RAB2A: variants seen among roughly 807,000 people sequenced by gnomAD.
The protein encoded by RAB2A is ras-related protein Rab-2A.
RAB2A carries 7 observed loss-of-function variants against 32.5 expected under a neutral mutation model. That is an observed-to-expected ratio of 0.22 (90% CI 0.12 to 0.40). The LOEUF (loss-of-function observed/expected upper bound fraction) is 0.40. Among genes scored for constraint, RAB2A ranks in the 10% least tolerant of loss-of-function variants. The pLI is 1.00. For synonymous variants in RAB2A, 79 were observed against 85.2 expected (o/e 0.93, Z 0.40); for missense variants, 108 against 260.7 (o/e 0.41, Z 4.03).
At chr8:60,572,146 A>C in intron 3 of RAB2A, 33 bp downstream of exon 3, 1 of 1,475,384 alleles carries the variant, frequency 6.8e-7, no homozygotes, top group Non-Finnish European at 9.4e-7. Context: ...GTATGATCTC[A>C]GTAAAGTTAC....
intron 1 of RAB2A, among the ~76,000 whole-genome samples, chr8:60,521,793 G>A (rs748170967): frequency 3.4e-4 from 51 of 152,164 alleles, no homozygotes; most frequent in Admixed American, 1.2e-3. Context: ...GCTGATTTTT[G>A]TATTTTTAGT....
intron 6 of RAB2A, among the ~76,000 whole-genome samples, chr8:60,598,937 CAAAAAAA>C (rs56406651): frequency 2.7e-3 from 109 of 40,370 alleles, no homozygotes; most frequent in Middle Eastern, 0.028. Flanking sequence ...TGCAGTAAAG[CAAAAAAA>C]AAAAAAAAAA....
intron 6 of RAB2A, among the ~76,000 whole-genome samples, chr8:60,598,966 A>AAAAG (rs1804082320): frequency 1.6e-5 from 2 of 123,288 alleles, no homozygotes; most frequent in Non-Finnish European, 3.4e-5. Flanking sequence ...AAAAAAAAAA[A>AAAAG]GAAAAGGCAT....
chr8:60,623,440 A>G lies in RAB2A; in HGVS notation c.*2671A>G, dbSNP rs759564931. 6.6e-6 allele frequency: 1 copy of G among 152,200 alleles called. No individual in the cohort carries two copies. Among genetic ancestry groups the G allele is most frequent in the Non-Finnish European group, 1.5e-5 (1 of 68,034 alleles). The allele number at this position is 152,200 out of a possible 1,614,324, so 9.4% of individuals were successfully genotyped here. A position where few individuals can be genotyped will look rare whatever the true frequency, so the allele number is the denominator to read the frequency against. Reference sequence around the variant, plus strand: ...AGATAGTAAAGCCCCATCTCAGTTTATTTAGTCCTGAGGTTGGCAGCATGG... The same window carrying G: ...AGATAGTAAAGCCCCATCTCAGTTTGTTTAGTCCTGAGGTTGGCAGCATGG... On this transcript the variant is annotated 3_prime_UTR_variant, in exon 8 of 8. Transcript: ENST00000262646.
At chr8:60,519,132 G>A (rs1807260915) in intron 1 of RAB2A, among the ~76,000 whole-genome samples, 1 of 67,756 alleles carries the variant, frequency 1.5e-5, no homozygotes, top group African/African-American at 6.4e-5. Context: ...ACCTAGTTCA[G>A]GAACAGAATT....
chr8:60,531,927 C>T (rs573920554), intron 1 of RAB2A, among the ~76,000 whole-genome samples: 2 of 151,980 alleles, frequency 1.3e-5, no homozygotes, highest in South Asian at 4.2e-4. Context: ...CACACCCTCC[C>T]GAGTAGCTGG....
intron 6 of RAB2A, among the ~76,000 whole-genome samples, chr8:60,600,616 T>C (rs1426848669): frequency 3.9e-5 from 6 of 152,218 alleles, no homozygotes; most frequent in Admixed American, 3.9e-4. Flanking sequence ...ATGTTCATAG[T>C]AGTTTTATTC....
intron 6 of RAB2A, among the ~76,000 whole-genome samples, chr8:60,612,841 G>C (rs1039612654): frequency 1.3e-5 from 2 of 152,184 alleles, no homozygotes; most frequent in African/African-American, 4.8e-5. Context: ...AAGAGGCGGG[G>C]AAGAGGCAGA....
At chr8:60,615,473 T>C (rs1158057249) in intron 6 of RAB2A, among the ~76,000 whole-genome samples, 1 of 152,202 alleles carries the variant, frequency 6.6e-6, no homozygotes, top group African/African-American at 2.4e-5. Flanking sequence ...AAAGATGGAT[T>C]AGAAACATCT....
Position 60,583,673 on chromosome 8 carries a change from T to C in RAB2A, c.187-535T>C, listed in dbSNP as rs1211762303. Among the ~76,000 whole-genome samples the C allele has an allele frequency of 2.0e-5, 3 of 152,240 alleles. No homozygotes were observed. The East Asian group carries it at 5.8e-4, about 29-fold the overall frequency. ...AGCTCACTGCAGTTTATGATATAAC[T>C]GATAAAATCTGCATCCTTGGCCTTC... On this transcript the variant is annotated intron_variant, in intron 3 of 7. Coordinates refer to ENST00000262646, the MANE Select transcript of RAB2A (RefSeq NM_002865.3).
intron 1 of RAB2A, among the ~76,000 whole-genome samples, chr8:60,557,806 A>G (rs113282738): frequency 0.082 from 12,434 of 151,978 alleles, 1,545 homozygotes; most frequent in African/African-American, 0.27. Context: ...TCCTGGGCTC[A>G]AGGCCTACCT....
chr8:60,548,791 A>ACGGGGCGGCT (rs1563466248), intron 1 of RAB2A, among the ~76,000 whole-genome samples: 4 of 128,152 alleles, frequency 3.1e-5, no homozygotes, highest in Non-Finnish European at 6.8e-5. Context: ...CCTCCCTCCC[A>ACGGGGCGGCT]GACGGGGCGG....
rs752525608 is a variant in RAB2A, at chr8:60,584,305, A to T, written c.269+15A>T. ...GATATTACACGGTGAGAACTTGAAA[A>T]CTTTGCAATTCAGTAGTTGATACAG... On this transcript the variant is annotated intron_variant, in intron 4 of 7. Transcript: ENST00000262646. 4.5e-6 allele frequency: 7 copies of T among 1,564,166 alleles called. No homozygotes were observed. In the East Asian group the frequency reaches 1.6e-4, roughly 35 times the overall value.
At chr8:60,557,253 T>G (rs1008108956) in intron 1 of RAB2A, among the ~76,000 whole-genome samples, 1 of 152,166 alleles carries the variant, frequency 6.6e-6, no homozygotes, top group Non-Finnish European at 1.5e-5. Context: ...TGGTAGCTCA[T>G]GCCTATAATC....
chr8:60,590,782 A>G (rs1337964961), intron 5 of RAB2A, among the ~76,000 whole-genome samples: 2 of 151,750 alleles, frequency 1.3e-5, no homozygotes, highest in Non-Finnish European at 2.9e-5. Flanking sequence ...GTGTTGACCA[A>G]AGTTAACAAG....
chr8:60,532,934 T>C (rs1431261846), intron 1 of RAB2A, among the ~76,000 whole-genome samples: 1 of 152,256 alleles, frequency 6.6e-6, no homozygotes, highest in African/African-American at 2.4e-5. Flanking sequence ...AGCAACAACT[T>C]GGACACAGTC....
chr8:60,530,687 T>C (rs781373008), intron 1 of RAB2A, among the ~76,000 whole-genome samples: 85 of 152,170 alleles, frequency 5.6e-4, no homozygotes, highest in Non-Finnish European at 1.2e-4. Flanking sequence ...AACAGGAGAA[T>C]TTAATGTTTT....
chr8:60,590,567 A>G (rs936182201), intron 5 of RAB2A, among the ~76,000 whole-genome samples: 21 of 142,938 alleles, frequency 1.5e-4, no homozygotes, highest in South Asian at 6.6e-4. Context: ...TAAAATACAT[A>G]TATTTTAATA....
chr8:60,592,825 G>C (rs1803964831), intron 6 of RAB2A, among the ~76,000 whole-genome samples: 1 of 152,156 alleles, frequency 6.6e-6, no homozygotes, highest in Non-Finnish European at 1.5e-5. Flanking sequence ...TTTATAAAAA[G>C]AGGTAATGAA....
Sources: allele counts gnomAD v4.1 joint callset (sites outside exome capture counted in the v4.1 genomes callset), GRCh38; gene constraint gnomAD v4.1.1; transcripts MANE v1.5; gene names NCBI Gene and HGNC (gene_info 2026-07-23, HGNC 2026-07-21).